BEAN1: variants seen among roughly 807,000 people sequenced by gnomAD.
BEAN1 encodes brain expressed associated with NEDD4 1.
A neutral mutation model predicts 17.7 loss-of-function variants in BEAN1; 17 were observed. The observed-to-expected ratio is 0.96, with a 90% CI of 0.66 to 1.44. BEAN1 has a LOEUF of 1.44. Ranked by LOEUF, BEAN1 falls within the 40% of genes most tolerant of loss-of-function variation. The pLI, the probability that BEAN1 is intolerant of heterozygous loss-of-function variation, is 0.00. For missense variants in BEAN1, 359 were observed against 374.1 expected (o/e 0.96, Z 0.33); for synonymous variants, 142 against 151.8 (o/e 0.94, Z 0.47).
rs1567505163 is a variant in BEAN1 at position 66,474,605 on chromosome 16, A to AAGGAAGGGAGGAAGG, written c.290-2955_290-2954insAGGAAGGGAGGAAGG. On this transcript the variant is annotated intron_variant, in intron 3 of 4. Coordinates refer to ENST00000536005, the MANE Select transcript of BEAN1 (RefSeq NM_001178020.3). ...GAGAGGGAGGGAGGGAGGGAGGGAG[A>AAGGAAGGGAGGAAGG]GAGGGAGGGAGGAAGGGAGGGAGGG... 2.4e-3 allele frequency among the ~76,000 whole-genome samples: 17 copies of AAGGAAGGGAGGAAGG among 6,966 alleles called. 1 individual carries two copies. In the East Asian group the frequency reaches 0.026, roughly 11 times the overall value. The allele number at this position is 6,966 out of a possible 152,430, so 4.6% of individuals were successfully genotyped here.
intron 4 of BEAN1, among the ~76,000 whole-genome samples, chr16:66,490,328 T>A (rs1419084124): frequency 7.1e-6 from 1 of 140,480 alleles, no homozygotes; most frequent in Non-Finnish European, 1.5e-5. Context: ...ACCCAGAAGG[T>A]GGAAATTGCA....
chr16:66,458,356 G>A (rs148816789), intron 2 of BEAN1, among the ~76,000 whole-genome samples: 130 of 152,154 alleles, frequency 8.5e-4, no homozygotes, highest in Non-Finnish European at 1.3e-3. Flanking sequence ...TCCCCACACC[G>A]GAGCCAGCCC....
chr16:66,480,882 C>A lies in BEAN1; in HGVS notation c.737C>A (p.Thr246Asn). 1 of 1,471,734 alleles carries A rather than the reference C, an allele frequency of 6.8e-7. No homozygotes were observed. Among genetic ancestry groups the A allele is most frequent in the Non-Finnish European group, 9.0e-7 (1 of 1,106,636 alleles). 91.2% of individuals were successfully genotyped at this position (1,471,734 alleles called of 1,614,324 possible). A position where few individuals can be genotyped will look rare whatever the true frequency, so the allele number is the denominator to read the frequency against. ...CCAAGGGGCTCCCAGGGCTCACCCA[C>A]CCCAACCCGGGCCCCAGCCTCTGGC... Reference protein sequence around the residue: ...PGPRGSQGSPTPTRAPASGPE... With the variant: ...PGPRGSQGSPNPTRAPASGPE... Residue 246 changes from threonine (T) to asparagine (N), a missense_variant, in exon 5 of 5, where the codon ACC becomes AAC. Physicochemically the swap from Thr to Asn is moderately conservative, Grantham distance 65. Transcript: ENST00000536005.
chr16:66,475,577 G>T (rs1963703884), intron 3 of BEAN1: 1 of 152,202 alleles, frequency 6.6e-6, no homozygotes, highest in African/African-American at 2.4e-5. Flanking sequence ...AAGCCCAGCA[G>T]CCCTGGTTCA....
At chr16:66,458,281 A>G (rs1377992411) in intron 2 of BEAN1, among the ~76,000 whole-genome samples, 1 of 152,106 alleles carries the variant, frequency 6.6e-6, no homozygotes, top group Non-Finnish European at 1.5e-5. Context: ...CCTCCATGCT[A>G]CACTCAGCAA....
intron 3 of BEAN1, among the ~76,000 whole-genome samples, chr16:66,474,250 A>T (rs1399586699): frequency 1.3e-5 from 2 of 152,116 alleles, no homozygotes; most frequent in African/African-American, 4.8e-5. Context: ...GGGTAAATAC[A>T]TGCTCAATAA....
chr16:66,490,457 T>TAAAATAAAATAAA (rs1567514540), intron 4 of BEAN1, among the ~76,000 whole-genome samples: 7 of 100,630 alleles, frequency 7.0e-5, no homozygotes, highest in East Asian at 2.6e-4. Flanking sequence ...AATAAAATAA[T>TAAAATAAAATAAA]AAAATAAAAA....
At position 66,480,850 on chromosome 16, in the gene BEAN1, C is replaced by T. The variant is rs1323631348; in HGVS notation, c.705C>T (p.Asp235=). 1.3e-6 allele frequency: 2 copies of T among 1,515,516 alleles called. No individual in the cohort carries two copies. The highest frequency in any genetic ancestry group is 1.8e-6 in the Non-Finnish European group (2 of 1,126,050). 93.9% of individuals were successfully genotyped at this position (1,515,516 alleles called of 1,614,324 possible). A position where few individuals can be genotyped will look rare whatever the true frequency, so the allele number is the denominator to read the frequency against. ...GCCTGCTGCCACTGCCGGGCCCAGA[C>T]CCAGGGCCAAGGGGCTCCCAGGGCT... ...PSGLLPLPGP[D]PGPRGSQGSP... is the part of the protein sequence containing the mutation. Residue 235 remains aspartate, a synonymous_variant, in exon 5 of 5, where the codon GAC becomes GAT. Coordinates refer to ENST00000536005, the MANE Select transcript of BEAN1 (RefSeq NM_001178020.3).
In BEAN1 at chr16:66,480,951, G is replaced by T; in HGVS notation, c.*26G>T. ...GGGACCCAGCCAGCCGGGTCCTGCT[G>T]GTCCCTACAGGCTGAACCACATTCT... On this transcript the variant is annotated 3_prime_UTR_variant, in exon 5 of 5. Coordinates refer to ENST00000536005, the MANE Select transcript of BEAN1 (RefSeq NM_001178020.3). The T allele has an allele frequency of 7.1e-7, 1 of 1,406,308 alleles. No individual in the cohort carries two copies. The highest frequency in any genetic ancestry group is 1.5e-5 in the South Asian group (1 of 67,016). 87.1% of individuals were successfully genotyped at this position (1,406,308 alleles called of 1,614,324 possible).
At chr16:66,445,243 G>A (rs181902683) in intron 2 of BEAN1, among the ~76,000 whole-genome samples, 66 of 152,152 alleles carry the variant, frequency 4.3e-4, no homozygotes, top group Admixed American at 7.9e-4. Context: ...TTTGGAGGCC[G>A]AGGCAGGCAG....
At chr16:66,451,894 A>G (rs1377747644) in intron 2 of BEAN1, among the ~76,000 whole-genome samples, 1 of 152,226 alleles carries the variant, frequency 6.6e-6, no homozygotes, top group African/African-American at 2.4e-5. Flanking sequence ...TGGCTGAAGG[A>G]TGATCCTTTT....
At position 66,439,425 on chromosome 16, in the gene BEAN1, G is replaced by A. The variant is rs1420905414; in HGVS notation, c.25+1724G>A. Among the ~76,000 whole-genome samples, 4 of 152,290 alleles carry A rather than the reference G, an allele frequency of 2.6e-5. No individual in the cohort carries two copies. In the East Asian group the frequency reaches 7.7e-4, roughly 29 times the overall value. On this transcript the variant is annotated intron_variant, in intron 2 of 4. Transcript: ENST00000536005. ...GTCATGTTCTTGGCCCTATCTTCTG[G>A]CCAGGCAGGAGCAGCCCAGCATGGA...
chr16:66,453,323 G>GT (rs897885798), intron 2 of BEAN1, among the ~76,000 whole-genome samples: 42 of 150,314 alleles, frequency 2.8e-4, no homozygotes, highest in East Asian at 2.7e-3. Flanking sequence ...ACTATGTTGT[G>GT]TTTTTTTTCA....
At chr16:66,444,667 T>C (rs1029382086) in intron 2 of BEAN1, among the ~76,000 whole-genome samples, 1 of 152,148 alleles carries the variant, frequency 6.6e-6, no homozygotes, top group Non-Finnish European at 1.5e-5. Flanking sequence ...AGACCTGAGT[T>C]TGAATCTTGC....
chr16:66,438,690 C>T (rs1962128580), intron 2 of BEAN1, among the ~76,000 whole-genome samples: 1 of 152,104 alleles, frequency 6.6e-6, no homozygotes, highest in Non-Finnish European at 1.5e-5. Context: ...GACTGCAGCC[C>T]CCTCGACTTC....
intron 4 of BEAN1, among the ~76,000 whole-genome samples, chr16:66,478,791 G>A: frequency 6.6e-6 from 1 of 152,112 alleles, no homozygotes; most frequent in Non-Finnish European, 1.5e-5. Flanking sequence ...AGGGAGGATG[G>A]GCTGACACAG....
chr16:66,460,087 C>T (rs1211753417), intron 2 of BEAN1, among the ~76,000 whole-genome samples: 1 of 152,256 alleles, frequency 6.6e-6, no homozygotes, highest in African/African-American at 2.4e-5. Flanking sequence ...CCTCTCTGCA[C>T]TGGCCCTGCC....
intron 2 of BEAN1, among the ~76,000 whole-genome samples, chr16:66,449,654 T>G (rs1371450123): frequency 6.6e-6 from 1 of 151,530 alleles, no homozygotes; most frequent in Non-Finnish European, 1.5e-5. Context: ...TTAAAGTTTT[T>G]CAAAAAGATT....
At chr16:66,493,534 C>T, downstream of BEAN1, 1 of 584,876 alleles carries the variant, frequency 1.7e-6, no homozygotes. Context: ...CCTGGTTTCC[C>T]AAGGACATTT....
Sources: gnomAD v4.1 joint callset for allele counts (sites outside exome capture counted in the v4.1 genomes callset) on GRCh38, gnomAD v4.1.1 for gene constraint, MANE v1.5 for transcripts, NCBI Gene and HGNC (gene_info 2026-07-23, HGNC 2026-07-21) for gene names.